EPB41L1: variants seen among roughly 807,000 people sequenced by gnomAD.
EPB41L1 encodes the protein erythrocyte membrane protein band 4.1 like 1.
In EPB41L1, 29 loss-of-function variants were observed where a neutral mutation model predicts 97.8. The ratio of observed to expected loss-of-function variants is 0.30; its 90% CI spans 0.22 to 0.40. The LOEUF (loss-of-function observed/expected upper bound fraction) is 0.40. Among genes scored for constraint, EPB41L1 ranks in the 10% least tolerant of loss-of-function variants. The pLI is 1.00. For missense variants in EPB41L1, 812 were observed against 1,162.3 expected, an observed-to-expected ratio of 0.70 and a Z score of 4.38; for synonymous variants, 383 against 459.2, an observed-to-expected ratio of 0.83 and a Z score of 2.12.
At chr20:36,117,341 T>G (rs575293596) in intron 2 of EPB41L1, among the ~76,000 whole-genome samples, 4 of 152,312 alleles carry the variant, frequency 2.6e-5, no homozygotes, top group South Asian at 2.1e-4. Flanking sequence ...TTACAGTCTC[T>G]GGAGTCCCTG....
chr20:36,111,615 G>A (rs528469445), intron 1 of EPB41L1, among the ~76,000 whole-genome samples: 19 of 152,016 alleles, frequency 1.2e-4, no homozygotes, highest in African/African-American at 4.6e-4. Flanking sequence ...GTAAAACCTC[G>A]TCTCTACTAA....
chr20:36,124,216 C>G (rs2058869970), intron 2 of EPB41L1, among the ~76,000 whole-genome samples: 1 of 152,188 alleles, frequency 6.6e-6, no homozygotes, highest in African/African-American at 2.4e-5. Context: ...GATCGCGCCA[C>G]TGCACTCCAG....
Position 36,092,371 on chromosome 20 carries a change from T to C in EPB41L1, c.-65+759T>C, listed in dbSNP as rs916943371. Among the ~76,000 whole-genome samples the C allele has an allele frequency of 6.6e-6, 1 of 151,896 alleles. No individual in the cohort carries two copies. Among genetic ancestry groups the C allele is most frequent in the Non-Finnish European group, 1.5e-5 (1 of 67,924 alleles). ...GCCTCTGAGCCCGCCGCAGCTCAGG[T>C]TGACGCCGGGCCCACGTGGGGAAGC... is the stretch of plus-strand genomic sequence containing the variant. On this transcript the variant is annotated intron_variant, in intron 1 of 19. Transcript: ENST00000202028. The surrounding 1 kb of genome is among the most constrained non-coding windows in gnomAD (Gnocchi z 7.0).
chr20:36,225,279 C>T (rs753555498), intron 21 of EPB41L1, among the ~76,000 whole-genome samples: 2 of 152,240 alleles, frequency 1.3e-5, no homozygotes, highest in Non-Finnish European at 2.9e-5. Context: ...CTCAGTTTTT[C>T]AATCATTCTT....
At chr20:36,105,806 G>GT (rs912691696) in intron 1 of EPB41L1, among the ~76,000 whole-genome samples, 10 of 152,156 alleles carry the variant, frequency 6.6e-5, no homozygotes, top group African/African-American at 2.4e-4. Flanking sequence ...CTAATAGCTG[G>GT]TGAGAGTTTC....
intron 2 of EPB41L1, among the ~76,000 whole-genome samples, chr20:36,113,034 G>A (rs975771870): frequency 6.6e-6 from 1 of 152,208 alleles, no homozygotes; most frequent in African/African-American, 2.4e-5. Flanking sequence ...GAATCTCAAT[G>A]TACAAAACAG....
intron 2 of EPB41L1, among the ~76,000 whole-genome samples, chr20:36,112,901 C>T (rs149269284): frequency 6.6e-6 from 1 of 152,218 alleles, no homozygotes; most frequent in Non-Finnish European, 1.5e-5. Flanking sequence ...ACCTTCCTTT[C>T]TACTGGCCTC....
rs757202579 is a variant in EPB41L1, at chr20:36,185,112, TC to T, written c.567-3del. 1 of 1,612,120 alleles carries T rather than the reference TC, an allele frequency of 6.2e-7. No individual in the cohort carries two copies. Among genetic ancestry groups the T allele is most frequent in the Admixed American group, 1.7e-5 (1 of 60,020 alleles). On this transcript the variant is annotated splice_polypyrimidine_tract_variant and splice_region_variant and intron_variant, in intron 6 of 21. Coordinates refer to ENST00000338074, the MANE Select transcript of EPB41L1 (RefSeq NM_012156.2). ...GTGCCCATGCTGGCTCTCCCCTATC[TC>T]CAGATACTACCTGTGCCTGCAGCTG...
At chr20:36,120,829 C>A (rs1203479654) in intron 2 of EPB41L1, among the ~76,000 whole-genome samples, 2 of 152,010 alleles carry the variant, frequency 1.3e-5, no homozygotes. Context: ...ATGTTAGTGT[C>A]CCCTTATAAT....
chr20:36,131,017 C>A (rs2147754728), intron 2 of EPB41L1, among the ~76,000 whole-genome samples: 1 of 151,140 alleles, frequency 6.6e-6, no homozygotes, highest in East Asian at 2.0e-4. Flanking sequence ...CTCTTGTTGC[C>A]CAGGCTGGAG....
intron 21 of EPB41L1, among the ~76,000 whole-genome samples, chr20:36,226,524 C>T (rs2064164258): frequency 6.6e-6 from 1 of 152,088 alleles, no homozygotes; most frequent in African/African-American, 2.4e-5. Flanking sequence ...GAGAGTGAAA[C>T]CCAATCTGTT....
At chr20:36,140,129 A>T (rs186222821) in intron 2 of EPB41L1, among the ~76,000 whole-genome samples, 9 of 151,600 alleles carry the variant, frequency 5.9e-5, no homozygotes, top group African/African-American at 1.9e-4. Context: ...ATCTCTGCTC[A>T]CTGCAACCTC....
chr20:36,144,078 C>T (rs929777834), intron 2 of EPB41L1, among the ~76,000 whole-genome samples: 1 of 152,148 alleles, frequency 6.6e-6, no homozygotes, highest in Non-Finnish European at 1.5e-5. Flanking sequence ...GTCTCAAACT[C>T]CTGACCTCAG....
intron 2 of EPB41L1, among the ~76,000 whole-genome samples, chr20:36,140,676 T>C (rs2059604328): frequency 6.6e-6 from 1 of 152,216 alleles, no homozygotes; most frequent in Admixed American, 6.5e-5. Flanking sequence ...ATTTGGCTTC[T>C]TTTTTTGTCC....
At position 36,171,063 on chromosome 20, in the gene EPB41L1, G is replaced by C. The variant is rs535047143; in HGVS notation, c.-14-2701G>C. Among the ~76,000 whole-genome samples, 24 of 152,132 alleles carry C rather than the reference G, an allele frequency of 1.6e-4. No homozygotes were observed. In the South Asian group the frequency reaches 4.6e-3, roughly 29 times the overall value. On this transcript the variant is annotated intron_variant, in intron 1 of 21. Coordinates refer to ENST00000338074, the MANE Select transcript of EPB41L1 (RefSeq NM_012156.2). ...GGAGGAGTGGAAGTGTCTCCCGGCT[G>C]TCTGGGCCCACAAGGGGTCATGTGG...
chr20:36,141,405 A>G (rs2059634233), intron 2 of EPB41L1, among the ~76,000 whole-genome samples: 1 of 152,134 alleles, frequency 6.6e-6, no homozygotes. Flanking sequence ...ATGCATGAAT[A>G]GGGAGCCCTG....
chr20:36,143,834 T>G (rs1569122192), intron 2 of EPB41L1, among the ~76,000 whole-genome samples: 1 of 144,134 alleles, frequency 6.9e-6, no homozygotes. Flanking sequence ...AAAGGTTTTC[T>G]TTTTCTTTTT....
intron 1 of EPB41L1, among the ~76,000 whole-genome samples, chr20:36,109,005 G>A (rs1166867676): frequency 2.0e-5 from 3 of 150,980 alleles, no homozygotes; most frequent in African/African-American, 2.4e-5. Flanking sequence ...GTGCAGTGGT[G>A]CGATCTTGGC....
At chr20:36,182,202 G>A in intron 5 of EPB41L1, 70 bp from the exon 6 acceptor site, 9 of 1,401,028 alleles carry the variant, frequency 6.4e-6, no homozygotes, top group Non-Finnish European at 7.1e-6. Flanking sequence ...AAACTGCCCA[G>A]AGGATGGTGC....
Sources: gnomAD v4.1 joint callset for allele counts (sites outside exome capture counted in the v4.1 genomes callset) on GRCh38, gnomAD v4.1.1 for gene constraint, Gnocchi (gnomAD v3.1) non-coding constraint, MANE v1.5 for transcripts, NCBI Gene and HGNC (gene_info 2026-07-23, HGNC 2026-07-21) for gene names.